The following PTPRK variants were observed in gnomAD, a reference collection of about 807,000 sequenced individuals.
PTPRK encodes receptor-type tyrosine-protein phosphatase kappa.
In PTPRK, 75 loss-of-function variants were observed where a neutral mutation model predicts 178.0. That is an observed-to-expected ratio of 0.42 (90% CI 0.35 to 0.51). The LOEUF is 0.51. Among genes scored for constraint, PTPRK ranks in the 20% least tolerant of loss-of-function variants. The pLI is 0.02. For synonymous variants in PTPRK, 637 were observed against 620.6 expected (o/e 1.03, Z -0.39); for missense variants, 1,441 against 1,797.8 (o/e 0.80, Z 3.59).
At chr6:128,358,597 T>C (rs1253131957) in intron 2 of PTPRK, among the ~76,000 whole-genome samples, 1 of 152,182 alleles carries the variant, frequency 6.6e-6, no homozygotes, top group Non-Finnish European at 1.5e-5. Context: ...TACCAGAAAT[T>C]TTCACTGGAC....
intron 1 of PTPRK, among the ~76,000 whole-genome samples, chr6:128,402,632 G>C (rs1197247470): frequency 6.6e-6 from 1 of 151,814 alleles, no homozygotes; most frequent in Non-Finnish European, 1.5e-5. Flanking sequence ...TCCTTTTAAC[G>C]CTACACTTCT....
intron 13 of PTPRK, among the ~76,000 whole-genome samples, chr6:128,023,019 C>A (rs371086652): frequency 1.3e-5 from 2 of 152,126 alleles, no homozygotes; most frequent in African/African-American, 4.8e-5. Context: ...CCATCCTCAC[C>A]GCATTTTCTG....
At chr6:127,972,993 C>T (rs763400743) in intron 29 of PTPRK, 29 bp downstream of exon 29, 11 of 1,607,340 alleles carry the variant, frequency 6.8e-6, no homozygotes, top group South Asian at 5.5e-5. Flanking sequence ...CTCTAAGATG[C>T]CTTCCAAATC....
At chr6:128,053,059 T>C (rs1326811369) in intron 13 of PTPRK, among the ~76,000 whole-genome samples, 2 of 152,014 alleles carry the variant, frequency 1.3e-5, no homozygotes, top group East Asian at 3.9e-4. Context: ...TATTGGATAA[T>C]GGTATTTAGA....
At chr6:128,291,460 T>C (rs1309451198) in intron 3 of PTPRK, among the ~76,000 whole-genome samples, 4 of 152,142 alleles carry the variant, frequency 2.6e-5, no homozygotes, top group African/African-American at 7.2e-5. Flanking sequence ...TGGGATAAAT[T>C]AGAAAACTAA....
At chr6:128,049,047 C>T (rs1778560227) in intron 13 of PTPRK, among the ~76,000 whole-genome samples, 1 of 151,978 alleles carries the variant, frequency 6.6e-6, no homozygotes, top group Non-Finnish European at 1.5e-5. Flanking sequence ...AAAAATGGCT[C>T]ATGAATAGAC....
At chr6:128,346,782 T>C (rs1832486385) in intron 2 of PTPRK, among the ~76,000 whole-genome samples, 3 of 152,046 alleles carry the variant, frequency 2.0e-5, no homozygotes, top group Admixed American at 2.0e-4. Flanking sequence ...GCCTGCCTCA[T>C]AGGATTACCG....
chr6:128,347,362 A>G (rs950461330), intron 2 of PTPRK, among the ~76,000 whole-genome samples: 1 of 152,154 alleles, frequency 6.6e-6, no homozygotes, highest in African/African-American at 2.4e-5. Flanking sequence ...CTCTTATCAT[A>G]CGGCATCACA....
chr6:128,465,899 AG>A (rs1849787863), intron 1 of PTPRK, among the ~76,000 whole-genome samples: 1 of 152,174 alleles, frequency 6.6e-6, no homozygotes, highest in African/African-American at 2.4e-5. Context: ...ATGTGAGCAG[AG>A]GGTCCAAGCC....
At chr6:128,200,810 GAGAGA>G (rs964559021) in intron 6 of PTPRK, among the ~76,000 whole-genome samples, 1 of 142,988 alleles carries the variant, frequency 7.0e-6, no homozygotes, top group African/African-American at 2.6e-5. Flanking sequence ...CAGAAAGAGA[GAGAGA>G]AGAAGAAGAA....
At chr6:128,358,798 A>G (rs1171974526) in intron 2 of PTPRK, among the ~76,000 whole-genome samples, 1 of 152,224 alleles carries the variant, frequency 6.6e-6, no homozygotes, top group African/African-American at 2.4e-5. Context: ...GTAGAAAGAT[A>G]ATATGAAATG....
intron 28 of PTPRK, 50 bp downstream of exon 28, chr6:127,973,614 A>T: frequency 6.3e-7 from 1 of 1,594,108 alleles, no homozygotes; most frequent in Non-Finnish European, 8.6e-7. Flanking sequence ...TGAAAATGAG[A>T]AAATAAGCAC....
chr6:128,311,999 C>CA (rs1019636931), intron 3 of PTPRK, among the ~76,000 whole-genome samples: 2 of 152,078 alleles, frequency 1.3e-5, no homozygotes, highest in Non-Finnish European at 2.9e-5. Flanking sequence ...AAAGATATGG[C>CA]AAAAAATCCA....
At chr6:128,094,108 T>C (rs1787504720) in intron 7 of PTPRK, among the ~76,000 whole-genome samples, 1 of 152,138 alleles carries the variant, frequency 6.6e-6, no homozygotes, top group African/African-American at 2.4e-5. Context: ...GCAATCCCAC[T>C]TGGTTGCTGT....
Position 128,044,981 on chromosome 6 carries a change from T to C in PTPRK, c.2194+19777A>G, listed in dbSNP as rs1187587212. 2.0e-5 allele frequency among the ~76,000 whole-genome samples: 3 copies of C among 151,992 alleles called. No individual in the cohort carries two copies. In the East Asian group the frequency reaches 5.8e-4, roughly 29 times the overall value. The stretch of plus-strand genomic sequence containing the variant: ...GGAGTGTTTAAAATTTTTTGTTGAA[T>C]AAATGAATAAATTTGTTGGGGAAAA... On this transcript the variant is annotated intron_variant, in intron 13 of 29. Transcript: ENST00000368226.
At chr6:127,980,327 A>T (rs1011414017) in intron 25 of PTPRK, among the ~76,000 whole-genome samples, 1 of 151,956 alleles carries the variant, frequency 6.6e-6, no homozygotes, top group African/African-American at 2.4e-5. Context: ...AAAAACAACA[A>T]CAAACAAACA....
chr6:128,383,839 TAA>T (rs1330971051), intron 2 of PTPRK, among the ~76,000 whole-genome samples: 4 of 152,310 alleles, frequency 2.6e-5, no homozygotes, highest in Admixed American at 2.0e-4. Flanking sequence ...ACAAAAGTAA[TAA>T]GTCAAAATCA....
chr6:128,014,569 C>T (rs184412966), intron 13 of PTPRK, among the ~76,000 whole-genome samples: 65 of 151,666 alleles, frequency 4.3e-4, no homozygotes, highest in Non-Finnish European at 7.7e-4. Context: ...TAGTAGTAGA[C>T]GCTGCTGCTC....
chr6:128,366,373 T>C (rs1486621400), intron 2 of PTPRK, among the ~76,000 whole-genome samples: 1 of 152,168 alleles, frequency 6.6e-6, no homozygotes, highest in African/African-American at 2.4e-5. Flanking sequence ...ATGTTTCACA[T>C]CTCTTCTGTT....
Sources: gnomAD v4.1 joint callset for allele counts (sites outside exome capture counted in the v4.1 genomes callset) on GRCh38, gnomAD v4.1.1 for gene constraint, MANE v1.5 for transcripts, NCBI Gene and HGNC (gene_info 2026-07-23, HGNC 2026-07-21) for gene names.